Variants in STUM observed in about 807,000 individuals in gnomAD.
The protein encoded by STUM is protein stum homolog.
Under a neutral mutation model 15.3 loss-of-function variants are expected in STUM, and 8 were observed. That is an observed-to-expected ratio of 0.52 (90% CI 0.31 to 0.94). The LOEUF (loss-of-function observed/expected upper bound fraction) is 0.94, where lower values mean the gene tolerates loss of function less well. STUM is among the 40% of genes least tolerant of loss of function. STUM has a pLI of 0.05. For synonymous variants in STUM, 78 were observed against 88.7 expected (o/e 0.88, Z 0.68); for missense variants, 142 against 204.9 (o/e 0.69, Z 1.87).
intron 1 of STUM, among the ~76,000 whole-genome samples, chr1:226,587,849 G>A (rs898121413): frequency 6.6e-6 from 1 of 152,228 alleles, no homozygotes; most frequent in Non-Finnish European, 1.5e-5. Context: ...TCAAAGGTGG[G>A]TTATTGGCCA....
In STUM at chr1:226,605,871, G is replaced by A. The variant is rs1464615332; in HGVS notation, c.*3831G>A. On this transcript the variant is annotated 3_prime_UTR_variant, in exon 4 of 4. Coordinates refer to ENST00000366788, the MANE Select transcript of STUM (RefSeq NM_001003665.4). The surrounding 1 kb of genome is among the most constrained non-coding windows in gnomAD (Gnocchi z 4.0). Reference sequence around the variant, plus strand: ...GCGGCAGAGAGACAGCTGGTATTAGGAGCTTCCCCATCCTAATGTGCAGGA... The same window carrying A: ...GCGGCAGAGAGACAGCTGGTATTAGAAGCTTCCCCATCCTAATGTGCAGGA... 4 of 152,338 alleles carry A rather than the reference G, an allele frequency of 2.6e-5. No individual in the cohort carries two copies. The highest frequency in any genetic ancestry group is 9.6e-5 in the African/African-American group (4 of 41,458). The allele number at this position is 152,338 out of a possible 1,614,324, so 9.4% of individuals were successfully genotyped here.
chr1:226,564,888 C>A (rs747661657), intron 1 of STUM, among the ~76,000 whole-genome samples: 1 of 152,178 alleles, frequency 6.6e-6, no homozygotes, highest in African/African-American at 2.4e-5. Flanking sequence ...GACTAAGAAG[C>A]CTTGCCCTAG....
rs373535891 is a variant in STUM at position 226,600,721 on chromosome 1, C to T, written c.391+47C>T. 4.4e-6 allele frequency: 7 copies of T among 1,605,034 alleles called. No individual in the cohort carries two copies. Among genetic ancestry groups the T allele is most frequent in the Non-Finnish European group, 5.9e-6 (7 of 1,177,996 alleles). On this transcript the variant is annotated intron_variant, in intron 3 of 3. Coordinates refer to ENST00000366788, the MANE Select transcript of STUM (RefSeq NM_001003665.4). This position sits in a 1 kb window ranked among gnomAD's most constrained non-coding sequence, Gnocchi z 5.2. ...CGGGCCTCGTGCTGCTGCTTGGGGC[C>T]CTCCCCTCCCCCGAGACCCCCACTC...
At chr1:226,578,404 A>C (rs1571804509) in intron 1 of STUM, among the ~76,000 whole-genome samples, 2 of 111,318 alleles carry the variant, frequency 1.8e-5, no homozygotes, top group African/African-American at 7.3e-5. Flanking sequence ...TCTCTTTGTC[A>C]CCCAGGCTGG....
In STUM at chr1:226,549,165, G is replaced by A. The variant is rs1283256181; in HGVS notation, c.202+59G>A. ...CACCCCGCCGCGGGAGGGCGTGGGG[G>A]GAGAGAAGGGCGCGGCCGGAGACCT... On this transcript the variant is annotated intron_variant, in intron 1 of 3. Coordinates refer to ENST00000366788, the MANE Select transcript of STUM (RefSeq NM_001003665.4). The surrounding 1 kb of genome is among the most constrained non-coding windows in gnomAD (Gnocchi z 6.8). 2.8e-6 allele frequency: 4 copies of A among 1,446,910 alleles called. No homozygotes were observed. The South Asian group carries it at 3.8e-5, about 14-fold the overall frequency. The allele number at this position is 1,446,910 out of a possible 1,614,324, so 89.6% of individuals were successfully genotyped here.
chr1:226,577,463 C>G (rs572141681), intron 1 of STUM, among the ~76,000 whole-genome samples: 26 of 152,056 alleles, frequency 1.7e-4, no homozygotes, highest in Non-Finnish European at 3.1e-4. Flanking sequence ...TCTGCTGTCT[C>G]ACTCACCCTG....
chr1:226,604,112 C>G lies in STUM; in HGVS notation c.*2072C>G, dbSNP rs1668317038. On this transcript the variant is annotated 3_prime_UTR_variant, in exon 4 of 4. Transcript: ENST00000366788. The surrounding 1 kb of genome is among the most constrained non-coding windows in gnomAD (Gnocchi z 4.7). ...GCCCCCAGAGTTTGCCCGACACCCC[C>G]TGAGTGATGACAGGTCTCAGGAGGG... 1 of 152,222 alleles carries G rather than the reference C, an allele frequency of 6.6e-6. No individual in the cohort carries two copies. The highest frequency in any genetic ancestry group is 2.1e-4 in the South Asian group (1 of 4,834). 9.4% of individuals were successfully genotyped at this position (152,222 alleles called of 1,614,324 possible). A position where few individuals can be genotyped will look rare whatever the true frequency, so the allele number is the denominator to read the frequency against.
intron 1 of STUM, among the ~76,000 whole-genome samples, chr1:226,554,723 C>A (rs1571791882): frequency 6.6e-6 from 1 of 152,198 alleles, no homozygotes; most frequent in Non-Finnish European, 1.5e-5. Context: ...CTGGCTCATT[C>A]CCAGCAGCAC....
chr1:226,597,685 C>T (rs77469713), intron 2 of STUM, among the ~76,000 whole-genome samples: 4 of 152,140 alleles, frequency 2.6e-5, no homozygotes, highest in Admixed American at 2.6e-4. Context: ...ACCCAGGGCA[C>T]ACACAAATGG....
rs1571813544 is a variant in STUM at position 226,596,701 on chromosome 1, T to C, written c.203-101T>C. The C allele has an allele frequency of 3.7e-6, 4 of 1,078,338 alleles. No homozygotes were observed. In the East Asian group the frequency reaches 9.6e-5, roughly 26 times the overall value. 66.8% of individuals were successfully genotyped at this position (1,078,338 alleles called of 1,614,324 possible). A position where few individuals can be genotyped will look rare whatever the true frequency, so the allele number is the denominator to read the frequency against. On this transcript the variant is annotated intron_variant, in intron 1 of 3. Coordinates refer to ENST00000366788, the MANE Select transcript of STUM (RefSeq NM_001003665.4). ...CAGACATCGGTGGTTCTTCTCTGAG[T>C]TCTTGGAGGGTGGACAGCTGGGCCC...
chr1:226,590,968 A>G (rs1213697588), intron 1 of STUM, among the ~76,000 whole-genome samples: 3 of 152,278 alleles, frequency 2.0e-5, no homozygotes, highest in South Asian at 4.1e-4. Flanking sequence ...GGGGGTGGCA[A>G]GTTCCCATCA....
At chr1:226,595,593 A>G (rs1339190995) in intron 1 of STUM, among the ~76,000 whole-genome samples, 2 of 152,214 alleles carry the variant, frequency 1.3e-5, no homozygotes, top group African/African-American at 4.8e-5. Context: ...GATGTAGTAA[A>G]ATGCACTTTG....
At chr1:226,566,159 C>G (rs1184226551) in intron 1 of STUM, among the ~76,000 whole-genome samples, 1 of 152,172 alleles carries the variant, frequency 6.6e-6, no homozygotes, top group Admixed American at 6.5e-5. Context: ...ACAGAAAGAA[C>G]CTCCACTGTT....
Position 226,600,510 on chromosome 1 carries a change from C to A in STUM, c.383-156C>A. On this transcript the variant is annotated intron_variant, in intron 2 of 3. Coordinates refer to ENST00000366788, the MANE Select transcript of STUM (RefSeq NM_001003665.4). The surrounding 1 kb of genome is among the most constrained non-coding windows in gnomAD (Gnocchi z 5.2). Reference sequence around the variant, plus strand: ...CTGCCTGGGGATGGCGTCTGAGAAGCCACTGGCATGGCCCCTGTCCCATCT... The same window carrying A: ...CTGCCTGGGGATGGCGTCTGAGAAGACACTGGCATGGCCCCTGTCCCATCT... 1 of 843,722 alleles carries A rather than the reference C, an allele frequency of 1.2e-6. No individual in the cohort carries two copies. Among genetic ancestry groups the A allele is most frequent in the Non-Finnish European group, 1.9e-6 (1 of 522,112 alleles). The allele number at this position is 843,722 out of a possible 1,614,324, so 52.3% of individuals were successfully genotyped here.
chr1:226,593,867 G>T (rs1006998919), intron 1 of STUM, among the ~76,000 whole-genome samples: 1 of 152,150 alleles, frequency 6.6e-6, no homozygotes, highest in Non-Finnish European at 1.5e-5. Context: ...CAGATGCCAG[G>T]TCACCCTTTA....
intron 1 of STUM, among the ~76,000 whole-genome samples, chr1:226,566,505 G>A (rs1393409759): frequency 6.6e-6 from 1 of 152,164 alleles, no homozygotes; most frequent in East Asian, 1.9e-4. Context: ...AGTGGGGAAG[G>A]TAATAATATC....
intron 3 of STUM, 66 bp from the exon 4 acceptor site, chr1:226,601,940 C>A: frequency 7.1e-7 from 1 of 1,415,136 alleles, no homozygotes; most frequent in Admixed American, 1.7e-5. Context: ...GGGCTAGGGG[C>A]ACCTCCTGGA....
intron 2 of STUM, among the ~76,000 whole-genome samples, chr1:226,597,966 A>G (rs140414094): frequency 8.3e-4 from 127 of 152,206 alleles, no homozygotes; most frequent in African/African-American, 3.0e-3. Context: ...CCCAGGGAGG[A>G]ATGAGCTGGG....
intron 2 of STUM, among the ~76,000 whole-genome samples, chr1:226,597,732 C>T (rs1478232521): frequency 6.6e-6 from 1 of 152,244 alleles, no homozygotes; most frequent in Non-Finnish European, 1.5e-5. Flanking sequence ...GCCACCAGGC[C>T]AGAGAAGATG....
Sources: allele counts gnomAD v4.1 joint callset (sites outside exome capture counted in the v4.1 genomes callset), GRCh38; gene constraint gnomAD v4.1.1; non-coding constraint Gnocchi (gnomAD v3.1); transcripts MANE v1.5; gene names NCBI Gene and HGNC (gene_info 2026-07-23, HGNC 2026-07-21).